SEC24D: variants seen among roughly 807,000 people sequenced by gnomAD.
SEC24D encodes the protein protein transport protein Sec24D.
A neutral mutation model predicts 116.9 loss-of-function variants in SEC24D; 69 were observed. The ratio of observed to expected loss-of-function variants is 0.59; its 90% CI spans 0.49 to 0.72. The LOEUF (loss-of-function observed/expected upper bound fraction) is 0.72. SEC24D is among the 30% of genes least tolerant of loss of function. The pLI is 0.00. For synonymous variants in SEC24D, 405 were observed against 442.8 expected, an observed-to-expected ratio of 0.91 and a Z score of 1.07; for missense variants, 1,131 against 1,264.1, an observed-to-expected ratio of 0.89 and a Z score of 1.60.
chr4:118,747,263 CTT>C (rs200688068), intron 13 of SEC24D, among the ~76,000 whole-genome samples: 16 of 128,172 alleles, frequency 1.2e-4, no homozygotes, highest in Non-Finnish European at 1.2e-4. Context: ...ATTTCTGTAG[CTT>C]TTTTTTTTTT....
chr4:118,822,480 G>T (rs1458861804), intron 3 of SEC24D, among the ~76,000 whole-genome samples: 1 of 152,066 alleles, frequency 6.6e-6, no homozygotes, highest in East Asian at 1.9e-4. Context: ...TAATACCAGT[G>T]ACCAAAACAT....
chr4:118,741,119 T>C (rs1460791254), intron 15 of SEC24D, 82 bp from the exon 16 acceptor site: 11 of 646,174 alleles, frequency 1.7e-5, no homozygotes, highest in East Asian at 2.9e-5. Flanking sequence ...TCCTGAGTTA[T>C]AATAATTATT....
Position 118,797,700 on chromosome 4 carries a change from T to C in SEC24D, c.1024A>G (p.Thr342Ala). 1 of 1,605,318 alleles carries C rather than the reference T, an allele frequency of 6.2e-7. No individual in the cohort carries two copies. Among genetic ancestry groups the C allele is most frequent in the Non-Finnish European group, 8.5e-7 (1 of 1,174,506 alleles). Residue 342 changes from threonine (T) to alanine (A), a missense_variant, in exon 8 of 23, where the codon ACC becomes GCC. By Grantham distance (58) the Thr-to-Ala change is moderately conservative. Transcript: ENST00000280551. ...PLAAVIKPFA[T>A]IPSNESPLYL... ...ATTCTTACCTCATTTGAAGGAATGG[T>C]GGCAAAGGGCTTGATGACAGCAGCT...
At chr4:118,832,886 T>C (rs1730922746) in intron 2 of SEC24D, among the ~76,000 whole-genome samples, 1 of 152,206 alleles carries the variant, frequency 6.6e-6, no homozygotes, top group Admixed American at 6.5e-5. Context: ...CTGGAGAGGA[T>C]GGTCCTGAAC....
At chr4:118,806,236 T>C (rs1017462298) in intron 6 of SEC24D, among the ~76,000 whole-genome samples, 1 of 152,248 alleles carries the variant, frequency 6.6e-6, no homozygotes, top group African/African-American at 2.4e-5. Flanking sequence ...TGTAATTCTT[T>C]AGCTTCAAAT....
intron 17 of SEC24D, among the ~76,000 whole-genome samples, chr4:118,739,801 T>G (rs1726143968): frequency 6.6e-6 from 1 of 152,228 alleles, no homozygotes; most frequent in South Asian, 2.1e-4. Context: ...TTCAACCTAA[T>G]GCCAGCCTCT....
chr4:118,768,104 A>C (rs531759973), intron 9 of SEC24D, 69 bp downstream of exon 9: 214 of 1,341,488 alleles, frequency 1.6e-4, no homozygotes, highest in Non-Finnish European at 2.1e-4. Flanking sequence ...TGCTTCTCCT[A>C]AACTAAGAAG....
At chr4:118,770,697 T>A (rs1365974148) in intron 8 of SEC24D, among the ~76,000 whole-genome samples, 1 of 152,166 alleles carries the variant, frequency 6.6e-6, no homozygotes, top group East Asian at 1.9e-4. Flanking sequence ...TTATTATCAC[T>A]GATATGATTT....
intron 17 of SEC24D, among the ~76,000 whole-genome samples, chr4:118,740,305 T>C (rs2110440162): frequency 6.6e-6 from 1 of 152,276 alleles, no homozygotes; most frequent in African/African-American, 2.4e-5. Context: ...TATTCTGTAG[T>C]GTTTGTTATA....
At chr4:118,828,880 C>T (rs1340265427) in intron 2 of SEC24D, among the ~76,000 whole-genome samples, 2 of 152,208 alleles carry the variant, frequency 1.3e-5, no homozygotes, top group African/African-American at 4.8e-5. Flanking sequence ...TCTCACCGTT[C>T]CCATGCTATT....
chr4:118,772,210 G>C (rs1454542629), intron 8 of SEC24D, among the ~76,000 whole-genome samples: 1 of 152,060 alleles, frequency 6.6e-6, no homozygotes, highest in Non-Finnish European at 1.5e-5. Flanking sequence ...ATTGCAATGA[G>C]GAATTAAAGA....
In SEC24D at chr4:118,835,949, G is replaced by C. The variant is rs1271584950; in HGVS notation, c.-50C>G. The C allele has an allele frequency of 1.3e-5, 2 of 152,184 alleles. No homozygotes were observed. The highest frequency in any genetic ancestry group is 6.5e-5 in the Admixed American group (1 of 15,286). 9.4% of individuals were successfully genotyped at this position (152,184 alleles called of 1,614,324 possible). A position where few individuals can be genotyped will look rare whatever the true frequency, so the allele number is the denominator to read the frequency against. ...CGGGTGGGAGGCTTTACCTGTTCCC[G>C]CTCCCGCACCCCGCGGGCTTCCGAG... On this transcript the variant is annotated 5_prime_UTR_variant, in exon 1 of 23. Coordinates refer to ENST00000280551, the MANE Select transcript of SEC24D (RefSeq NM_014822.4).
intron 14 of SEC24D, 69 bp downstream of exon 14, chr4:118,744,875 G>A (rs988784283): frequency 4.8e-6 from 4 of 830,368 alleles, no homozygotes; most frequent in Non-Finnish European, 8.0e-6. Flanking sequence ...TTTCTTACAT[G>A]AAGAACACAC....
chr4:118,731,152 T>C (rs181653389), intron 21 of SEC24D, 164 bp downstream of exon 21: 5 of 637,112 alleles, frequency 7.8e-6, no homozygotes, highest in Admixed American at 5.7e-5. Flanking sequence ...AATAACTTTA[T>C]ACCAGCTAAT....
chr4:118,799,678 G>A (rs967875752), intron 7 of SEC24D, among the ~76,000 whole-genome samples: 2 of 152,152 alleles, frequency 1.3e-5, no homozygotes, highest in African/African-American at 2.4e-5. Context: ...GGAGCCTAGC[G>A]TCCTGAAGTG....
rs777708903 is a variant in SEC24D at position 118,815,604 on chromosome 4, G to A, written c.520C>T (p.Pro174Ser). The change falls in exon 5 of 23, where the codon CCA becomes TCA. Residue 174 changes from proline (P) to serine (S), a missense_variant. Pro to Ser is a moderately conservative substitution (Grantham distance 74, BLOSUM62 -1). Transcript: ENST00000280551. ...CCAGGACCATTGAGTGTGGTGGGTG[G>A]TGGTGGAAGAACTTGAGATCCAGGC... ...LQPGSQVLPP[P>S]PTTLNGPGAS... is the part of the protein sequence containing the mutation. The A allele has an allele frequency of 2.5e-6, 4 of 1,614,194 alleles. No individual in the cohort carries two copies. Among genetic ancestry groups the A allele is most frequent in the South Asian group, 2.2e-5 (2 of 91,082 alleles).
chr4:118,744,874 T>C (rs1371945705), intron 14 of SEC24D, 70 bp downstream of exon 14: 1 of 828,942 alleles, frequency 1.2e-6, no homozygotes, highest in South Asian at 1.5e-5. Flanking sequence ...TTTTCTTACA[T>C]GAAGAACACA....
intron 7 of SEC24D, among the ~76,000 whole-genome samples, chr4:118,801,646 G>A (rs545937668): frequency 5.3e-5 from 8 of 152,038 alleles, no homozygotes; most frequent in Middle Eastern, 3.4e-3. Flanking sequence ...AATTATACTC[G>A]TTAAAATTAC....
chr4:118,768,073 T>C lies in SEC24D; in HGVS notation c.1180+100A>G, dbSNP rs1560663879. 8.1e-6 allele frequency: 8 copies of C among 988,552 alleles called. No individual in the cohort carries two copies. The South Asian group carries it at 1.2e-4, about 15-fold the overall frequency. The allele number at this position is 988,552 out of a possible 1,614,324, so 61.2% of individuals were successfully genotyped here. A position where few individuals can be genotyped will look rare whatever the true frequency, so the allele number is the denominator to read the frequency against. ...GAAAATTATAAAGAAGGTACTGCTA[T>C]ATAGCAGAAAAAAGAATGTATGCTT... On this transcript the variant is annotated intron_variant, in intron 9 of 22. Coordinates refer to ENST00000280551, the MANE Select transcript of SEC24D (RefSeq NM_014822.4).
Sources: allele counts gnomAD v4.1 joint callset (sites outside exome capture counted in the v4.1 genomes callset), GRCh38; gene constraint gnomAD v4.1.1; transcripts MANE v1.5; gene names NCBI Gene and HGNC (gene_info 2026-07-23, HGNC 2026-07-21).